The following KCNJ6 variants were observed in gnomAD, a reference collection of about 807,000 sequenced individuals.
The protein encoded by KCNJ6 is potassium inwardly rectifying channel subfamily J member 6.
A neutral mutation model predicts 34.2 loss-of-function variants in KCNJ6; 9 were observed. The observed-to-expected ratio is 0.26, with a 90% CI of 0.16 to 0.46. KCNJ6 has a LOEUF of 0.46. Ranked by LOEUF, KCNJ6 falls within the 20% of genes least tolerant of loss-of-function variation. The probability of loss-of-function intolerance (pLI) is 1.00; values close to 1 mark genes in which losing one functional copy is unlikely to be tolerated. For missense variants in KCNJ6, 236 were observed against 531.3 expected (o/e 0.44, Z 5.46); for synonymous variants, 196 against 207.1 (o/e 0.95, Z 0.46).
At chr21:37,829,212 G>A (rs1436371065) in intron 2 of KCNJ6, among the ~76,000 whole-genome samples, 1 of 151,864 alleles carries the variant, frequency 6.6e-6, no homozygotes, top group African/African-American at 2.4e-5. Context: ...GGAGCCAGGT[G>A]GCAGATTGTG....
chr21:37,700,237 T>C (rs959485295), intron 3 of KCNJ6, among the ~76,000 whole-genome samples: 2 of 152,152 alleles, frequency 1.3e-5, no homozygotes, highest in African/African-American at 2.4e-5. Context: ...TGAGAAAGGT[T>C]CCATAGGGGT....
intron 1 of KCNJ6, among the ~76,000 whole-genome samples, chr21:37,887,557 A>G (rs977436041): frequency 2.6e-5 from 4 of 152,340 alleles, no homozygotes; most frequent in Non-Finnish European, 5.9e-5. Context: ...TTCTAGCTGT[A>G]ACCTAAATCT....
intron 2 of KCNJ6, among the ~76,000 whole-genome samples, chr21:37,737,445 G>A (rs1421262011): frequency 6.7e-6 from 1 of 148,808 alleles, no homozygotes; most frequent in Non-Finnish European, 1.5e-5. Context: ...AAGTCAAGAG[G>A]GCGATTTCTC....
At chr21:37,782,393 T>C (rs2055173668) in intron 2 of KCNJ6, among the ~76,000 whole-genome samples, 1 of 152,148 alleles carries the variant, frequency 6.6e-6, no homozygotes, top group South Asian at 2.1e-4. Context: ...ACACACATAA[T>C]ATATAAACAC....
At chr21:37,651,758 A>T (rs2054434670) in intron 3 of KCNJ6, among the ~76,000 whole-genome samples, 1 of 152,146 alleles carries the variant, frequency 6.6e-6, no homozygotes, top group South Asian at 2.1e-4. Flanking sequence ...TAGTTTGGAC[A>T]GGTTAAGTGA....
chr21:37,821,677 G>A (rs1309852566), intron 2 of KCNJ6, among the ~76,000 whole-genome samples: 2 of 152,066 alleles, frequency 1.3e-5, no homozygotes, highest in African/African-American at 2.4e-5. Context: ...AACTGTGTTA[G>A]GGTACTTTAT....
rs931271931 is a variant in KCNJ6 at position 37,695,763 on chromosome 21, A to G, written c.946+18448T>C. 6.6e-6 allele frequency among the ~76,000 whole-genome samples: 1 copy of G among 152,206 alleles called. No homozygotes were observed. The highest frequency in any genetic ancestry group is 2.4e-5 in the African/African-American group (1 of 41,442). ...TATCTTCTCGGTACACCAAGTGCCTATGTCTTGGCTTCTAAAGACCATTCC... is the reference window on the plus strand; with the variant it reads ...TATCTTCTCGGTACACCAAGTGCCTGTGTCTTGGCTTCTAAAGACCATTCC... On this transcript the variant is annotated intron_variant, in intron 3 of 3. Coordinates refer to ENST00000609713, the MANE Select transcript of KCNJ6 (RefSeq NM_002240.5). This position sits in a 1 kb window ranked among gnomAD's most constrained non-coding sequence, Gnocchi z 4.2.
intron 2 of KCNJ6, among the ~76,000 whole-genome samples, chr21:37,791,378 G>A (rs926786183): frequency 2.0e-5 from 3 of 152,190 alleles, no homozygotes; most frequent in African/African-American, 7.2e-5. Flanking sequence ...ACTATCCCCC[G>A]TCACAGTTCT....
intron 1 of KCNJ6, among the ~76,000 whole-genome samples, chr21:37,841,249 G>A (rs893047575): frequency 2.0e-5 from 3 of 152,020 alleles, no homozygotes; most frequent in South Asian, 2.1e-4. Flanking sequence ...TGTTTTAACC[G>A]AGATATAGGT....
At chr21:37,725,525 G>A (rs1210024396) in intron 2 of KCNJ6, among the ~76,000 whole-genome samples, 1 of 152,258 alleles carries the variant, frequency 6.6e-6, no homozygotes, top group East Asian at 1.9e-4. Context: ...TGTGAAAGGT[G>A]TGTGTTGGGA....
At chr21:37,699,461 A>G (rs1280341792) in intron 3 of KCNJ6, among the ~76,000 whole-genome samples, 1 of 152,186 alleles carries the variant, frequency 6.6e-6, no homozygotes, top group African/African-American at 2.4e-5. Context: ...TATTAATTAG[A>G]AACTTCTGGA....
chr21:37,682,580 T>C (rs1027320760), intron 3 of KCNJ6, among the ~76,000 whole-genome samples: 2 of 152,152 alleles, frequency 1.3e-5, no homozygotes, highest in East Asian at 1.9e-4. Flanking sequence ...GCAATTGTCA[T>C]TGGATTTAGG....
At chr21:37,758,082 G>C (rs2055040370) in intron 2 of KCNJ6, among the ~76,000 whole-genome samples, 1 of 151,750 alleles carries the variant, frequency 6.6e-6, no homozygotes, top group Non-Finnish European at 1.5e-5. Context: ...TTAGTGGAGG[G>C]GGAGAGGCTT....
intron 3 of KCNJ6, among the ~76,000 whole-genome samples, chr21:37,713,441 A>G (rs2054773317): frequency 6.6e-6 from 1 of 152,194 alleles, no homozygotes; most frequent in African/African-American, 2.4e-5. Flanking sequence ...GGGATGTTAC[A>G]TACAAACATG....
chr21:37,726,148 CA>C (rs2123462856), intron 2 of KCNJ6, among the ~76,000 whole-genome samples: 1 of 152,238 alleles, frequency 6.6e-6, no homozygotes, highest in South Asian at 2.1e-4. Context: ...TCAGGTGATC[CA>C]CCCCCCTCGT....
Position 37,611,673 on chromosome 21 carries a change from G to T in KCNJ6, c.*13486C>A, listed in dbSNP as rs1456104860. 6.6e-6 allele frequency: 1 copy of T among 152,086 alleles called. No homozygotes were observed. The highest frequency in any genetic ancestry group is 1.5e-5 in the Non-Finnish European group (1 of 68,014). The allele number at this position is 152,086 out of a possible 1,614,324, so 9.4% of individuals were successfully genotyped here. A position where few individuals can be genotyped will look rare whatever the true frequency, so the allele number is the denominator to read the frequency against. On this transcript the variant is annotated 3_prime_UTR_variant, in exon 4 of 4. Transcript: ENST00000609713. Reference sequence around the variant, plus strand: ...GGTGGAATTTGTCCTAGGTATATAAGGCTGGTTCAACATTCAAAGATCAAC... The same window carrying T: ...GGTGGAATTTGTCCTAGGTATATAATGCTGGTTCAACATTCAAAGATCAAC...
rs2054301173 is a variant in KCNJ6 at position 37,624,313 on chromosome 21, G to A, written c.*846C>T. 6.6e-6 allele frequency: 1 copy of A among 152,132 alleles called. No homozygotes were observed. The highest frequency in any genetic ancestry group is 2.1e-4 in the South Asian group (1 of 4,814). The allele number at this position is 152,132 out of a possible 1,614,324, so 9.4% of individuals were successfully genotyped here. A position where few individuals can be genotyped will look rare whatever the true frequency, so the allele number is the denominator to read the frequency against. On this transcript the variant is annotated 3_prime_UTR_variant, in exon 4 of 4. Coordinates refer to ENST00000609713, the MANE Select transcript of KCNJ6 (RefSeq NM_002240.5). ...CTATGGCTTGTTGGATTCAATGAAAGGATCCGTGTGGGAACAGTGAGGTAC... is the reference window on the plus strand; with the variant it reads ...CTATGGCTTGTTGGATTCAATGAAAAGATCCGTGTGGGAACAGTGAGGTAC...
At chr21:37,638,863 C>T (rs138118319) in intron 3 of KCNJ6, among the ~76,000 whole-genome samples, 1 of 152,318 alleles carries the variant, frequency 6.6e-6, no homozygotes, top group East Asian at 1.9e-4. Context: ...CAGTAAGAAT[C>T]TGAATTCTCA....
rs3838101 is a variant in KCNJ6, at chr21:37,891,890, G to GTA, written c.-28+23993_-28+23994insTA. On this transcript the variant is annotated intron_variant, in intron 1 of 3. Transcript: ENST00000609713. ...TGTGGTGGTGCTGGGCTGGGTGTGGGTTGATGGTCTCAAGTGTGGGATGGG... is the reference window on the plus strand; with the variant it reads ...TGTGGTGGTGCTGGGCTGGGTGTGGGTATTGATGGTCTCAAGTGTGGGATGGG... Among the ~76,000 whole-genome samples, 800 of 152,250 alleles carry GTA rather than the reference G, an allele frequency of 5.3e-3. 30 individuals are homozygous for GTA. In the South Asian group the frequency reaches 0.077, roughly 15 times the overall value.
Sources: gnomAD v4.1 joint callset for allele counts (sites outside exome capture counted in the v4.1 genomes callset) on GRCh38, gnomAD v4.1.1 for gene constraint, Gnocchi (gnomAD v3.1) non-coding constraint, MANE v1.5 for transcripts, NCBI Gene and HGNC (gene_info 2026-07-23, HGNC 2026-07-21) for gene names.